The following PDE4D variants were observed in gnomAD, a reference collection of about 807,000 sequenced individuals.
The protein encoded by PDE4D is phosphodiesterase 4D.
PDE4D carries 24 observed loss-of-function variants against 87.4 expected under a neutral mutation model. The observed-to-expected ratio is 0.27, with a 90% CI of 0.20 to 0.39. The LOEUF is 0.39. Ranked by LOEUF, PDE4D falls within the 10% of genes least tolerant of loss-of-function variation. PDE4D has a pLI of 1.00. For missense variants in PDE4D, 714 were observed against 1,041.0 expected (o/e 0.69, Z 4.32); for synonymous variants, 384 against 383.2 (o/e 1.00, Z -0.02).
intron 2 of PDE4D, among the ~76,000 whole-genome samples, chr5:60,017,318 T>C (rs921815551): frequency 1.3e-5 from 2 of 152,178 alleles, no homozygotes; most frequent in African/African-American, 4.8e-5. Context: ...AGTTGTTGGA[T>C]ACACGTGCAG....
At chr5:59,611,359 T>C (rs149860845) in intron 1 of PDE4D, among the ~76,000 whole-genome samples, 1 of 152,160 alleles carries the variant, frequency 6.6e-6, no homozygotes, top group East Asian at 1.9e-4. Flanking sequence ...CACTTCCTAA[T>C]ACCATGATAT....
intron 1 of PDE4D, among the ~76,000 whole-genome samples, chr5:60,320,600 G>A (rs965163734): frequency 6.6e-6 from 1 of 152,144 alleles, no homozygotes; most frequent in Non-Finnish European, 1.5e-5. Flanking sequence ...GACTGGAGCT[G>A]TTCCTATTCA....
intron 1 of PDE4D, among the ~76,000 whole-genome samples, chr5:59,497,087 C>G (rs1309876194): frequency 6.6e-6 from 1 of 152,120 alleles, no homozygotes; most frequent in Non-Finnish European, 1.5e-5. Context: ...AGAGCCTTGG[C>G]GCCCTGAAAG....
intron 6 of PDE4D, among the ~76,000 whole-genome samples, chr5:59,021,900 T>C (rs1755228219): frequency 6.6e-6 from 1 of 152,164 alleles, no homozygotes; most frequent in Non-Finnish European, 1.5e-5. Flanking sequence ...CCATTTCAGT[T>C]TGTACCTTGC....
At chr5:59,113,709 T>A (rs931477628) in intron 5 of PDE4D, among the ~76,000 whole-genome samples, 1 of 152,218 alleles carries the variant, frequency 6.6e-6, no homozygotes, top group Admixed American at 6.5e-5. Flanking sequence ...GGAAACAGAC[T>A]GCCAAAGGTG....
intron 1 of PDE4D, among the ~76,000 whole-genome samples, chr5:59,523,941 C>T (rs894055117): frequency 1.3e-5 from 2 of 152,188 alleles, no homozygotes; most frequent in African/African-American, 4.8e-5. Context: ...TCCCCTTCCA[C>T]CATGTTTGTA....
intron 1 of PDE4D, among the ~76,000 whole-genome samples, chr5:59,476,176 T>C (rs1373501384): frequency 6.6e-6 from 1 of 151,956 alleles, no homozygotes; most frequent in Non-Finnish European, 1.5e-5. Flanking sequence ...AAATTGCTTA[T>C]GGAAAAGCAG....
At chr5:59,086,916 G>T (rs528104070) in intron 5 of PDE4D, among the ~76,000 whole-genome samples, 1 of 152,146 alleles carries the variant, frequency 6.6e-6, no homozygotes, top group East Asian at 1.9e-4. Flanking sequence ...CTCTGAACTG[G>T]TTTTCCTGGT....
At chr5:59,488,652 A>T (rs1380239301) in intron 1 of PDE4D, among the ~76,000 whole-genome samples, 1 of 150,818 alleles carries the variant, frequency 6.6e-6, no homozygotes, top group African/African-American at 2.5e-5. Context: ...CCTTTCAAAA[A>T]ATATAACCAC....
chr5:60,121,612 C>T (rs1374296055), intron 2 of PDE4D, among the ~76,000 whole-genome samples: 1 of 151,908 alleles, frequency 6.6e-6, no homozygotes, highest in African/African-American at 2.4e-5. Context: ...AGGAAACTGC[C>T]CCATGATTCT....
At chr5:59,897,873 C>T (rs537088766), upstream of PDE4D, among the ~76,000 whole-genome samples, 1 of 152,254 alleles carries the variant, frequency 6.6e-6, no homozygotes, top group South Asian at 2.1e-4. Context: ...TTGAAAGTCT[C>T]AGATTTCACT....
At chr5:59,766,256 T>C (rs1467529863) in intron 1 of PDE4D, among the ~76,000 whole-genome samples, 5 of 152,204 alleles carry the variant, frequency 3.3e-5, no homozygotes, top group South Asian at 2.1e-4. Context: ...TTTTAGTCCA[T>C]AGGGGAAACT....
chr5:59,254,253 A>G (rs937953200), intron 1 of PDE4D, among the ~76,000 whole-genome samples: 1 of 152,050 alleles, frequency 6.6e-6, no homozygotes, highest in Admixed American at 6.6e-5. Context: ...ATTAATGATT[A>G]GTTCACATAC....
At chr5:59,473,083 GAAAAAA>G (rs10573988) in intron 1 of PDE4D, among the ~76,000 whole-genome samples, 2 of 92,118 alleles carry the variant, frequency 2.2e-5, no homozygotes, top group Admixed American at 1.1e-4. Context: ...GCTTTCTCAT[GAAAAAA>G]AAAAAAAAAA....
intron 2 of PDE4D, among the ~76,000 whole-genome samples, chr5:60,088,189 C>T (rs999243623): frequency 6.6e-6 from 1 of 151,768 alleles, no homozygotes; most frequent in Non-Finnish European, 1.5e-5. Flanking sequence ...AGATAAAAAA[C>T]TTTCTCAGAC....
intron 1 of PDE4D, among the ~76,000 whole-genome samples, chr5:59,351,069 A>T (rs1582106268): frequency 6.6e-6 from 1 of 152,214 alleles, no homozygotes; most frequent in East Asian, 1.9e-4. Context: ...AAAATTTGTG[A>T]AATGTTAGTG....
chr5:60,257,925 CTT>C (rs1430232955), intron 1 of PDE4D, among the ~76,000 whole-genome samples: 2 of 151,934 alleles, frequency 1.3e-5, no homozygotes, highest in Non-Finnish European at 2.9e-5. Flanking sequence ...TGTTGCGACA[CTT>C]AACATCTAGG....
chr5:59,243,769 T>C (rs1338140733), intron 1 of PDE4D, among the ~76,000 whole-genome samples: 1 of 152,060 alleles, frequency 6.6e-6, no homozygotes, highest in Non-Finnish European at 1.5e-5. Context: ...TTTTTATATG[T>C]AGGCTTAAAA....
intron 1 of PDE4D, among the ~76,000 whole-genome samples, chr5:60,251,248 G>A (rs1233377599): frequency 1.3e-5 from 2 of 151,798 alleles, no homozygotes; most frequent in African/African-American, 4.8e-5. Context: ...ACATGTGCAG[G>A]TTTGTTATAT....
Sources: allele counts gnomAD v4.1 joint callset (sites outside exome capture counted in the v4.1 genomes callset), GRCh38; gene constraint gnomAD v4.1.1; transcripts MANE v1.5; gene names NCBI Gene and HGNC (gene_info 2026-07-23, HGNC 2026-07-21).